The following ADA2 variants were observed in gnomAD, a reference collection of about 807,000 sequenced individuals.
ADA2 encodes adenosine deaminase 2, also known as adenosine deaminase CECR1.
In ADA2, 29 loss-of-function variants were observed where a neutral mutation model predicts 44.2. That is an observed-to-expected ratio of 0.66 (90% CI 0.49 to 0.89). The LOEUF is 0.89. Ranked by LOEUF, ADA2 falls within the 40% of genes least tolerant of loss-of-function variation. ADA2 has a pLI of 0.00. For missense variants in ADA2, 637 were observed against 644.8 expected, an observed-to-expected ratio of 0.99 and a Z score of 0.13; for synonymous variants, 215 against 234.9, an observed-to-expected ratio of 0.92 and a Z score of 0.77.
chr22:17,184,204 T>A (rs1245375432), intron 7 of ADA2, among the ~76,000 whole-genome samples: 2 of 151,876 alleles, frequency 1.3e-5, no homozygotes, highest in East Asian at 1.9e-4. Context: ...GACCTTGTGA[T>A]CCACCTGCCT....
At chr22:17,199,361 C>T (rs1276909712) in intron 4 of ADA2, among the ~76,000 whole-genome samples, 4 of 137,326 alleles carry the variant, frequency 2.9e-5, no homozygotes, top group Non-Finnish European at 6.4e-5. Flanking sequence ...CGCTCAGCAA[C>T]TTCTCCCACA....
At chr22:17,202,556 T>G (rs1434842744) in intron 4 of ADA2, among the ~76,000 whole-genome samples, 6 of 151,774 alleles carry the variant, frequency 4.0e-5, no homozygotes, top group Non-Finnish European at 5.9e-5. Context: ...CATGAGCCAA[T>G]GCACCTGGCC....
intron 4 of ADA2, among the ~76,000 whole-genome samples, chr22:17,193,801 G>C (rs955484858): frequency 1.3e-5 from 2 of 151,854 alleles, no homozygotes; most frequent in African/African-American, 4.8e-5. Context: ...GATATAAAAG[G>C]AACAGGGCTG....
chr22:17,201,772 C>A (rs1363509258), intron 4 of ADA2, among the ~76,000 whole-genome samples: 1 of 152,108 alleles, frequency 6.6e-6, no homozygotes, highest in Non-Finnish European at 1.5e-5. Flanking sequence ...AAGATCCCTC[C>A]CCTACCAACA....
intron 7 of ADA2, among the ~76,000 whole-genome samples, chr22:17,184,515 A>G (rs1184065200): frequency 1.3e-5 from 2 of 152,138 alleles, no homozygotes; most frequent in Non-Finnish European, 2.9e-5. Flanking sequence ...TCACCCACAC[A>G]ATGGGCATAG....
Position 17,181,478 on chromosome 22 carries a change from T to C in ADA2, c.*5A>G, listed in dbSNP as rs763357121. 4 of 1,593,324 alleles carry C rather than the reference T, an allele frequency of 2.5e-6. No homozygotes were observed. In the South Asian group the frequency reaches 4.4e-5, roughly 18 times the overall value. ...ACAGCTTGTAGAGGGCTGGCTAGCT[T>C]CTCCTCACTTTGTAGCCACATCTGC... is the stretch of plus-strand genomic sequence containing the variant. On this transcript the variant is annotated 3_prime_UTR_variant, in exon 10 of 10. Transcript: ENST00000399837.
rs545602214 is a variant in ADA2 at position 17,207,152 on chromosome 22, C to T, written c.461G>A (p.Arg154His). The part of the protein sequence containing the change: ...MQFRFAHPTP[R>H]PSEKCSKWIL... ...CCACTTGGAACATTTTTCTGATGGA[C>T]GGGGAGTTGGGTGAGCAAATCTGAA... The change falls in exon 3 of 10, where the codon CGT becomes CAT. Residue 154 changes from arginine (R) to histidine (H), a missense_variant. Coordinates refer to ENST00000399837, the MANE Select transcript of ADA2 (RefSeq NM_001282225.2). 31 of 1,614,176 alleles carry T rather than the reference C, an allele frequency of 1.9e-5. No homozygotes were observed. Among genetic ancestry groups the T allele is most frequent in the East Asian group, 1.1e-4 (5 of 44,884 alleles).
rs150339015 is a variant in ADA2 at position 17,179,607 on chromosome 22, G to A, written c.*1876C>T. 692 of 152,546 alleles carry A rather than the reference G, an allele frequency of 4.5e-3. 5 individuals carry two copies. Among genetic ancestry groups the A allele is most frequent in the Middle Eastern group, 0.037 (11 of 296 alleles). 9.4% of individuals were successfully genotyped at this position (152,546 alleles called of 1,614,324 possible). A position where few individuals can be genotyped will look rare whatever the true frequency, so the allele number is the denominator to read the frequency against. On this transcript the variant is annotated 3_prime_UTR_variant, in exon 10 of 10. Coordinates refer to ENST00000399837, the MANE Select transcript of ADA2 (RefSeq NM_001282225.2). ...TGGGCAAGACAAAAGGGGAAAGAAGGAATCTTCCAGGCAGAGAGAAAGAGA... is the reference window on the plus strand; with the variant it reads ...TGGGCAAGACAAAAGGGGAAAGAAGAAATCTTCCAGGCAGAGAGAAAGAGA...
chr22:17,183,454 C>CTA (rs1568967612), intron 7 of ADA2, among the ~76,000 whole-genome samples: 1 of 76,136 alleles, frequency 1.3e-5, no homozygotes, highest in African/African-American at 5.8e-5. Context: ...TTTTGTGGCA[C>CTA]TCTTTTTTTT....
chr22:17,213,087 G>A (rs779556404), intron 1 of ADA2, among the ~76,000 whole-genome samples: 1 of 151,910 alleles, frequency 6.6e-6, no homozygotes, highest in Non-Finnish European at 1.5e-5. Flanking sequence ...ACCAGGCCCA[G>A]CCAACATTTT....
intron 1 of ADA2, among the ~76,000 whole-genome samples, chr22:17,214,866 G>A (rs923443660): frequency 2.6e-5 from 4 of 152,216 alleles, no homozygotes; most frequent in African/African-American, 9.6e-5. Flanking sequence ...CTTTGAAATG[G>A]AGCCCAGATA....
rs2062063532 is a variant in ADA2 at position 17,188,327 on chromosome 22, C to T, written c.1081+12G>A. The T allele has an allele frequency of 5.6e-6, 9 of 1,603,774 alleles. No individual in the cohort carries two copies. The African/African-American group carries it at 6.7e-5, about 12-fold the overall frequency. On this transcript the variant is annotated intron_variant, in intron 7 of 9. Coordinates refer to ENST00000399837, the MANE Select transcript of ADA2 (RefSeq NM_001282225.2). ...CACCTCCGCTGCCTCTGCTCGCATC[C>T]CGCAGGCTCACCTGTTTCTCCGGCG... is the stretch of plus-strand genomic sequence containing the variant.
At chr22:17,205,385 A>G (rs1190000586) in intron 3 of ADA2, among the ~76,000 whole-genome samples, 1 of 152,076 alleles carries the variant, frequency 6.6e-6, no homozygotes, top group Non-Finnish European at 1.5e-5. Flanking sequence ...AAGTGCTAGG[A>G]TTACAGGCAT....
At chr22:17,196,826 G>A (rs1367932484) in intron 4 of ADA2, among the ~76,000 whole-genome samples, 1 of 152,110 alleles carries the variant, frequency 6.6e-6, no homozygotes, top group African/African-American at 2.4e-5. Flanking sequence ...ATAGAAGGGA[G>A]ACCAAAGAAA....
intron 6 of ADA2, 40 bp downstream of exon 6, chr22:17,189,902 C>A (rs370333091): frequency 1.7e-4 from 246 of 1,438,722 alleles, no homozygotes; most frequent in Non-Finnish European, 2.3e-4. Flanking sequence ...CCTCGCATGC[C>A]CCCTTAACAG....
At chr22:17,205,955 G>T (rs2062349930) in intron 3 of ADA2, among the ~76,000 whole-genome samples, 1 of 152,190 alleles carries the variant, frequency 6.6e-6, no homozygotes, top group African/African-American at 2.4e-5. Flanking sequence ...AGCCGAGATT[G>T]TGCCACTGCA....
chr22:17,207,110 T>A lies in ADA2; in HGVS notation c.503A>T (p.Tyr168Phe). 6.2e-7 allele frequency: 1 copy of A among 1,614,218 alleles called. No individual in the cohort carries two copies. The highest frequency in any genetic ancestry group is 8.5e-7 in the Non-Finnish European group (1 of 1,180,028). ...KCSKWILLED[Y>F]RKRVQNVTEF... ...AGTGACGTTCTGCACCCGCTTCCGA[T>A]AATCCTCCAGCAGAATCCACTTGGA... is the stretch of plus-strand genomic sequence containing the variant. The change falls in exon 3 of 10, where the codon TAT (tyrosine) becomes TTT (phenylalanine). Residue 168 changes from tyrosine (Y) to phenylalanine (F), a missense_variant. Transcript: ENST00000399837.
In ADA2 at chr22:17,179,937, CT is replaced by C. The variant is rs1402087167; in HGVS notation, c.*1545del. On this transcript the variant is annotated 3_prime_UTR_variant, in exon 10 of 10. Coordinates refer to ENST00000399837, the MANE Select transcript of ADA2 (RefSeq NM_001282225.2). ...ACGAGGTCAGGTGTTCGAGACCAGC[CT>C]GGCCAACATAGTGAAACCCCATCTC... The C allele has an allele frequency of 6.6e-6, 1 of 152,234 alleles. No individual in the cohort carries two copies. The allele number at this position is 152,234 out of a possible 1,614,324, so 9.4% of individuals were successfully genotyped here.
At chr22:17,184,755 C>A (rs1268779649) in intron 7 of ADA2, among the ~76,000 whole-genome samples, 1 of 149,960 alleles carries the variant, frequency 6.7e-6, no homozygotes, top group Admixed American at 6.6e-5. Context: ...ATAGAGACAC[C>A]CTGTCTCTAC....
Sources: allele counts gnomAD v4.1 joint callset (sites outside exome capture counted in the v4.1 genomes callset), GRCh38; gene constraint gnomAD v4.1.1; transcripts MANE v1.5; gene names NCBI Gene and HGNC (gene_info 2026-07-23, HGNC 2026-07-21).